Variants in SPMIP7 observed in about 807,000 individuals in gnomAD.
SPMIP7 encodes sperm microtubule inner protein 7, also known as protein SPMIP7.
chr7:50,125,155 TATATAC>T, the SPMIP7 span, among the ~76,000 whole-genome samples: 24 of 35,508 alleles, frequency 6.8e-4, no homozygotes, highest in African/African-American at 2.7e-3. Context: ...TACACACATA[TATATAC>T]ACATATATAC....
At chr7:50,136,214 T>C in the SPMIP7 span, 2 of 1,340,984 alleles carry the variant, frequency 1.5e-6, no homozygotes, top group Non-Finnish European at 2.1e-6. Context: ...CACTATCATG[T>C]TTTGTAATTA....
At chr7:50,097,136 G>T in the SPMIP7 span, among the ~76,000 whole-genome samples, 1 of 152,208 alleles carries the variant, frequency 6.6e-6, no homozygotes, top group African/African-American at 2.4e-5. Context: ...CAGCCATGGA[G>T]GCAGGTTTGA....
the SPMIP7 span, among the ~76,000 whole-genome samples, chr7:50,103,212 G>A: frequency 1.3e-5 from 2 of 151,724 alleles, no homozygotes; most frequent in Admixed American, 1.3e-4. Flanking sequence ...TGTCCATCCT[G>A]ATCTCAAATT....
At chr7:50,114,899 G>A in the SPMIP7 span, among the ~76,000 whole-genome samples, 10 of 151,528 alleles carry the variant, frequency 6.6e-5, no homozygotes, top group South Asian at 2.1e-4. Flanking sequence ...ATGTAGTGGC[G>A]GGCGCCTGTA....
the SPMIP7 span, among the ~76,000 whole-genome samples, chr7:50,146,979 T>A: frequency 6.6e-6 from 1 of 152,190 alleles, no homozygotes; most frequent in Non-Finnish European, 1.5e-5. Flanking sequence ...TGAGAAAACT[T>A]CAGTTGAGGT....
At chr7:50,149,513 AG>A in the SPMIP7 span, among the ~76,000 whole-genome samples, 3 of 152,168 alleles carry the variant, frequency 2.0e-5, no homozygotes, top group Admixed American at 1.3e-4. Context: ...AAAACCTCAC[AG>A]TTGGTTAAGG....
At chr7:50,115,215 G>T in the SPMIP7 span, among the ~76,000 whole-genome samples, 1 of 152,044 alleles carries the variant, frequency 6.6e-6, no homozygotes, top group East Asian at 1.9e-4. Flanking sequence ...TTTTACTAAG[G>T]ACTCAGATAT....
At chr7:50,121,670 T>C in the SPMIP7 span, among the ~76,000 whole-genome samples, 1 of 152,182 alleles carries the variant, frequency 6.6e-6, no homozygotes, top group African/African-American at 2.4e-5. Flanking sequence ...TTTTCTTTTT[T>C]TGAGATGGCG....
At chr7:50,113,712 A>G in the SPMIP7 span, among the ~76,000 whole-genome samples, 5 of 152,126 alleles carry the variant, frequency 3.3e-5, no homozygotes, top group Non-Finnish European at 7.4e-5. Context: ...TCTAACATAC[A>G]TGCATTGGGG....
the SPMIP7 span, among the ~76,000 whole-genome samples, chr7:50,151,127 T>C: frequency 6.6e-6 from 1 of 152,254 alleles, no homozygotes; most frequent in Non-Finnish European, 1.5e-5. Context: ...ACCTGGTATC[T>C]TCCTTCATTA....
At chr7:50,115,014 A>T in the SPMIP7 span, among the ~76,000 whole-genome samples, 1 of 148,612 alleles carries the variant, frequency 6.7e-6, no homozygotes, top group Non-Finnish European at 1.5e-5. Context: ...TGGGCAACAG[A>T]GTGAGATTCT....
the SPMIP7 span, among the ~76,000 whole-genome samples, chr7:50,097,280 G>T: frequency 5.9e-5 from 9 of 152,318 alleles, no homozygotes; most frequent in South Asian, 1.7e-3. Context: ...TGTCTGGCAG[G>T]CAGGAATGTA....
the SPMIP7 span, among the ~76,000 whole-genome samples, chr7:50,107,994 T>C: frequency 6.6e-6 from 1 of 152,224 alleles, no homozygotes; most frequent in Non-Finnish European, 1.5e-5. Flanking sequence ...CAGTGCCATA[T>C]TTTGTCAGGT....
the SPMIP7 span, chr7:50,096,581 A>G: frequency 3.2e-6 from 5 of 1,551,880 alleles, no homozygotes; most frequent in South Asian, 6.0e-5. Flanking sequence ...ACTGCAACAG[A>G]ACAGGAGATG....
chr7:50,118,446 T>C, the SPMIP7 span, among the ~76,000 whole-genome samples: 3 of 152,308 alleles, frequency 2.0e-5, no homozygotes, highest in South Asian at 6.2e-4. Flanking sequence ...CAATAAAAAC[T>C]TCAGGTGGTG....
the SPMIP7 span, chr7:50,096,179 T>C: frequency 6.4e-7 from 1 of 1,551,628 alleles, no homozygotes; most frequent in Non-Finnish European, 8.7e-7. Context: ...TTACCCACAC[T>C]ATTGTGATCT....
At chr7:50,109,020 T>G in the SPMIP7 span, among the ~76,000 whole-genome samples, 2 of 152,200 alleles carry the variant, frequency 1.3e-5, no homozygotes, top group Admixed American at 1.3e-4. Flanking sequence ...TACTAGCACT[T>G]AATTTCAGGC....
At chr7:50,100,600 C>T in the SPMIP7 span, among the ~76,000 whole-genome samples, 1 of 152,030 alleles carries the variant, frequency 6.6e-6, no homozygotes, top group Admixed American at 6.6e-5. Context: ...ATCATGAGGT[C>T]AGGAGATCGA....
the SPMIP7 span, among the ~76,000 whole-genome samples, chr7:50,156,462 G>T: frequency 3.9e-5 from 6 of 151,992 alleles, no homozygotes; most frequent in African/African-American, 1.4e-4. Context: ...TCTGCAATAG[G>T]TTCCTCACTT....
Sources: allele counts gnomAD v4.1 joint callset (sites outside exome capture counted in the v4.1 genomes callset), GRCh38; gene constraint gnomAD v4.1.1; transcripts MANE v1.5; gene names NCBI Gene and HGNC (gene_info 2026-07-23, HGNC 2026-07-21).